Variants in OSBPL6 observed in about 807,000 individuals in gnomAD.
OSBPL6 encodes oxysterol-binding protein-related protein 6.
OSBPL6 carries 49 observed loss-of-function variants against 125.8 expected under a neutral mutation model. That is an observed-to-expected ratio of 0.39 (90% CI 0.31 to 0.49). OSBPL6 has a LOEUF of 0.49. OSBPL6 is among the 20% of genes least tolerant of loss of function. The probability of loss-of-function intolerance (pLI) is 0.88; values close to 1 mark genes in which losing one functional copy is unlikely to be tolerated. For synonymous variants in OSBPL6, 394 were observed against 391.8 expected, an observed-to-expected ratio of 1.01 and a Z score of -0.07; for missense variants, 986 against 1,135.4, an observed-to-expected ratio of 0.87 and a Z score of 1.89.
chr2:178,198,420 C>T (rs2089032745), intron 1 of OSBPL6, among the ~76,000 whole-genome samples: 1 of 151,812 alleles, frequency 6.6e-6, no homozygotes, highest in Admixed American at 6.6e-5. Flanking sequence ...CCTCAGCCTC[C>T]CTAGTAGCTG....
chr2:178,263,836 T>TGTGTGTGTGC, intron 1 of OSBPL6, among the ~76,000 whole-genome samples: 1 of 151,042 alleles, frequency 6.6e-6, no homozygotes, highest in South Asian at 2.1e-4. Flanking sequence ...TGTGTGTGTG[T>TGTGTGTGTGC]GCGTGTACAC....
At chr2:178,379,417 GAA>G (rs1662075958) in intron 15 of OSBPL6, among the ~76,000 whole-genome samples, 1 of 145,482 alleles carries the variant, frequency 6.9e-6, no homozygotes, top group Non-Finnish European at 1.5e-5. Context: ...GAAAGAAAGA[GAA>G]AGAAAAGAAA....
In OSBPL6 at chr2:178,391,362, ACATTCATACTTAAC is replaced by A. The variant is rs1695392205; in HGVS notation, c.2446+146_2446+159del. ...GTAGATGCTTATGGCAATTATAGTT[ACATTCATACTTAAC>A]ATAGAAGTTATACATAAGCCCCAAT... On this transcript the variant is annotated intron_variant, in intron 22 of 24. Transcript: ENST00000190611. The A allele has an allele frequency of 1.1e-5, 9 of 798,666 alleles. No homozygotes were observed. In the East Asian group the frequency reaches 2.7e-4, roughly 24 times the overall value. The allele number at this position is 798,666 out of a possible 1,614,324, so 49.5% of individuals were successfully genotyped here. A position where few individuals can be genotyped will look rare whatever the true frequency, so the allele number is the denominator to read the frequency against.
intron 1 of OSBPL6, among the ~76,000 whole-genome samples, chr2:178,218,542 C>A (rs984134794): frequency 9.9e-5 from 15 of 151,878 alleles, no homozygotes; most frequent in African/African-American, 2.9e-4. Flanking sequence ...TCTCAAACAT[C>A]TCCTTACCAT....
At chr2:178,246,544 A>C (rs761869718) in intron 1 of OSBPL6, among the ~76,000 whole-genome samples, 1 of 152,166 alleles carries the variant, frequency 6.6e-6, no homozygotes, top group African/African-American at 2.4e-5. Flanking sequence ...TTACTCCCCA[A>C]ATCTTCAGTT....
chr2:178,231,664 T>G (rs2090826900), intron 1 of OSBPL6, among the ~76,000 whole-genome samples: 1 of 93,294 alleles, frequency 1.1e-5, no homozygotes, highest in South Asian at 3.7e-4. Flanking sequence ...TTTTTTTTTT[T>G]GAGACAGGGT....
intron 1 of OSBPL6, among the ~76,000 whole-genome samples, chr2:178,204,236 C>T (rs375696369): frequency 2.3e-4 from 35 of 152,222 alleles, no homozygotes; most frequent in African/African-American, 7.9e-4. Context: ...GTTGGCCAAG[C>T]CAGTCTCGAA....
At chr2:178,344,318 A>C (rs780107891) in intron 11 of OSBPL6, 47 of 1,613,996 alleles carry the variant, frequency 2.9e-5, no homozygotes, top group Non-Finnish European at 3.1e-5. Flanking sequence ...AGTTCAGCAC[A>C]ACTCGGCGCC....
Position 178,333,058 on chromosome 2 carries a change from T to C in OSBPL6, c.657+17T>C, listed in dbSNP as rs1689367453. ...GATGGAAAGGTATGACTTTGTTCTA[T>C]AAAAACCAGCCTGAAAATTGCTTAG... is the stretch of plus-strand genomic sequence containing the variant. On this transcript the variant is annotated intron_variant, in intron 8 of 24. Coordinates refer to ENST00000190611, the MANE Select transcript of OSBPL6 (RefSeq NM_032523.4). 1 of 1,611,014 alleles carries C rather than the reference T, an allele frequency of 6.2e-7. No homozygotes were observed. Among genetic ancestry groups the C allele is most frequent in the Non-Finnish European group, 8.5e-7 (1 of 1,178,494 alleles).
intron 3 of OSBPL6, among the ~76,000 whole-genome samples, chr2:178,312,657 C>T (rs967482296): frequency 6.6e-6 from 1 of 151,588 alleles, no homozygotes; most frequent in African/African-American, 2.4e-5. Flanking sequence ...GGTTTCACTA[C>T]GTTTGCCAGG....
At chr2:178,285,197 G>GT in intron 2 of OSBPL6, 76 bp downstream of exon 2, 1 of 396,636 alleles carries the variant, frequency 2.5e-6, no homozygotes, top group Non-Finnish European at 4.4e-6. Context: ...CAACAGATTA[G>GT]TGGGACACCA....
intron 1 of OSBPL6, among the ~76,000 whole-genome samples, chr2:178,234,317 G>A (rs2090958316): frequency 6.6e-6 from 1 of 152,196 alleles, no homozygotes; most frequent in South Asian, 2.1e-4. Context: ...CAGGTTGTGA[G>A]TTGCCAACCT....
At chr2:178,219,625 T>G (rs2090253910) in intron 1 of OSBPL6, among the ~76,000 whole-genome samples, 1 of 152,220 alleles carries the variant, frequency 6.6e-6, no homozygotes, top group South Asian at 2.1e-4. Flanking sequence ...AGTAATTATT[T>G]ATAATCAGTG....
intron 1 of OSBPL6, among the ~76,000 whole-genome samples, chr2:178,271,126 C>G (rs572450351): frequency 1.3e-5 from 2 of 152,072 alleles, no homozygotes; most frequent in Non-Finnish European, 2.9e-5. Flanking sequence ...TTTAAATCAG[C>G]CTATGACATC....
At chr2:178,318,857 G>T (rs1018333089) in intron 3 of OSBPL6, among the ~76,000 whole-genome samples, 1 of 152,216 alleles carries the variant, frequency 6.6e-6, no homozygotes, top group Non-Finnish European at 1.5e-5. Context: ...ATGGGAATGC[G>T]TAAGATTCCT....
intron 1 of OSBPL6, among the ~76,000 whole-genome samples, chr2:178,201,376 CTTATTTATTTAT>C (rs1206183730): frequency 6.6e-6 from 1 of 151,872 alleles, no homozygotes; most frequent in Non-Finnish European, 1.5e-5. Context: ...GACATATTTT[CTTATTTATTTAT>C]TTATTTATTT....
At position 178,402,825 on chromosome 2, in the gene OSBPL6, G is replaced by T. The variant is rs1696134767; in HGVS notation, c.*7266G>T. The stretch of plus-strand genomic sequence containing the variant: ...AAAATAAGAATTGTGCCTCTTCAAT[G>T]AATGTTGTATATGAGAATGTTACAT... On this transcript the variant is annotated 3_prime_UTR_variant, in exon 25 of 25. Transcript: ENST00000190611. The T allele has an allele frequency of 6.6e-6, 1 of 152,140 alleles. No individual in the cohort carries two copies. Among genetic ancestry groups the T allele is most frequent in the Non-Finnish European group, 1.5e-5 (1 of 68,034 alleles). The allele number at this position is 152,140 out of a possible 1,614,324, so 9.4% of individuals were successfully genotyped here. A position where few individuals can be genotyped will look rare whatever the true frequency, so the allele number is the denominator to read the frequency against.
intron 3 of OSBPL6, among the ~76,000 whole-genome samples, chr2:178,318,949 G>C (rs149862401): frequency 1.3e-5 from 2 of 152,356 alleles, no homozygotes; most frequent in Non-Finnish European, 2.9e-5. Context: ...CCTTTGGGCA[G>C]CACTGTGCAT....
At chr2:178,202,337 G>A (rs780470226) in intron 1 of OSBPL6, among the ~76,000 whole-genome samples, 50 of 151,890 alleles carry the variant, frequency 3.3e-4, no homozygotes, top group Non-Finnish European at 1.0e-4. Flanking sequence ...TTTCACTTCT[G>A]TGTGTCTGAA....
Sources: gnomAD v4.1 joint callset for allele counts (sites outside exome capture counted in the v4.1 genomes callset) on GRCh38, gnomAD v4.1.1 for gene constraint, MANE v1.5 for transcripts, NCBI Gene and HGNC (gene_info 2026-07-23, HGNC 2026-07-21) for gene names.